The following NAV2 variants were observed in gnomAD, a reference collection of about 807,000 sequenced individuals.
The protein encoded by NAV2 is helicase, APC down-regulated 1.
Under a neutral mutation model 223.2 loss-of-function variants are expected in NAV2, and 54 were observed. The ratio of observed to expected loss-of-function variants is 0.24; its 90% CI spans 0.19 to 0.30. NAV2 has a LOEUF of 0.30. Ranked by LOEUF, NAV2 falls within the 10% of genes least tolerant of loss-of-function variation. The pLI, the probability that NAV2 is intolerant of heterozygous loss-of-function variation, is 1.00. For missense variants in NAV2, 2,806 were observed against 3,147.5 expected (o/e 0.89, Z 2.60); for synonymous variants, 1,279 against 1,239.3 (o/e 1.03, Z -0.67).
At chr11:20,061,833 T>A (rs189624905) in intron 19 of NAV2, among the ~76,000 whole-genome samples, 4 of 152,344 alleles carry the variant, frequency 2.6e-5, no homozygotes, top group African/African-American at 9.6e-5. Flanking sequence ...AGCTCTTTTT[T>A]TGCATATACA....
intron 11 of NAV2, among the ~76,000 whole-genome samples, chr11:19,993,949 G>A (rs930347901): frequency 6.6e-6 from 1 of 152,178 alleles, no homozygotes; most frequent in Non-Finnish European, 1.5e-5. Flanking sequence ...TACTCAAGAA[G>A]CTTACGATCA....
intron 1 of NAV2, among the ~76,000 whole-genome samples, chr11:19,656,804 G>A (rs2048140170): frequency 6.6e-6 from 1 of 152,210 alleles, no homozygotes; most frequent in Non-Finnish European, 1.5e-5. Flanking sequence ...TAGCCACAGA[G>A]GAAACAAGGA....
At chr11:19,694,881 C>T (rs973138975) in intron 1 of NAV2, among the ~76,000 whole-genome samples, 3 of 152,188 alleles carry the variant, frequency 2.0e-5, no homozygotes, top group Non-Finnish European at 4.4e-5. Context: ...GGGCCCAGTT[C>T]GGTGGGATCT....
chr11:19,956,942 A>G (rs763725949), intron 10 of NAV2, among the ~76,000 whole-genome samples: 1 of 152,190 alleles, frequency 6.6e-6, no homozygotes, highest in Non-Finnish European at 1.5e-5. Flanking sequence ...CCTCAGTAGC[A>G]TAAGCCCAGG....
upstream of NAV2, among the ~76,000 whole-genome samples, chr11:19,709,026 GA>G (rs1201929540): frequency 6.6e-6 from 1 of 151,866 alleles, no homozygotes; most frequent in African/African-American, 2.4e-5. Flanking sequence ...GCAAAACATT[GA>G]TTTAAAATGA....
chr11:19,854,583 T>C (rs916952360), intron 3 of NAV2, among the ~76,000 whole-genome samples: 1 of 152,176 alleles, frequency 6.6e-6, no homozygotes, highest in African/African-American at 2.4e-5. Flanking sequence ...TATTGTCTTA[T>C]ACCTAACCCG....
At chr11:19,860,309 TCAGA>T (rs2061678324) in intron 3 of NAV2, among the ~76,000 whole-genome samples, 1 of 124,722 alleles carries the variant, frequency 8.0e-6, no homozygotes, top group African/African-American at 3.3e-5. Context: ...TCCTCACTTC[TCAGA>T]CAGGGCGGTT....
chr11:19,997,578 A>G (rs536443136), intron 11 of NAV2, among the ~76,000 whole-genome samples: 3 of 152,144 alleles, frequency 2.0e-5, no homozygotes, highest in Non-Finnish European at 2.9e-5. Context: ...CTCCCAGAGG[A>G]CTTACCACAT....
intron 1 of NAV2, among the ~76,000 whole-genome samples, chr11:19,666,537 TC>T (rs1389469662): frequency 3.3e-5 from 5 of 152,212 alleles, no homozygotes; most frequent in African/African-American, 1.2e-4. Flanking sequence ...TGTTTGCTTC[TC>T]CCCTGTAGCA....
chr11:20,053,757 A>G (rs1447862566), intron 17 of NAV2, among the ~76,000 whole-genome samples: 2 of 152,218 alleles, frequency 1.3e-5, no homozygotes, highest in Non-Finnish European at 2.9e-5. Flanking sequence ...AGTCCTGTCA[A>G]GGTGGGGGCT....
At chr11:20,023,206 G>A (rs772824631) in intron 11 of NAV2, 46 of 1,327,678 alleles carry the variant, frequency 3.5e-5, no homozygotes, top group Non-Finnish European at 4.5e-5. Flanking sequence ...TTCCTTGGCC[G>A]GTATTGAAAA....
intron 1 of NAV2, among the ~76,000 whole-genome samples, chr11:19,495,954 G>A (rs1311682579): frequency 1.2e-4 from 18 of 152,152 alleles, no homozygotes; most frequent in Admixed American, 1.2e-3. Context: ...AGGTCTAAGG[G>A]AGGCTAATGT....
chr11:19,434,335 G>A (rs1851138293), intron 1 of NAV2, among the ~76,000 whole-genome samples: 2 of 152,144 alleles, frequency 1.3e-5, no homozygotes, highest in South Asian at 4.1e-4. Flanking sequence ...AGTGGCACTG[G>A]GGTTCATTTC....
intron 1 of NAV2, chr11:19,714,200 C>T (rs7943700): frequency 0.082 from 56,950 of 694,104 alleles, 4,324 homozygotes; most frequent in African/African-American, 0.32. Flanking sequence ...ATGGCGGGCA[C>T]GTCTGCAGCA....
At chr11:19,439,793 A>G (rs1023604465) in intron 1 of NAV2, among the ~76,000 whole-genome samples, 1 of 152,240 alleles carries the variant, frequency 6.6e-6, no homozygotes, top group African/African-American at 2.4e-5. Flanking sequence ...CCTTGTTAAA[A>G]ATCCTTAGAA....
intron 1 of NAV2, among the ~76,000 whole-genome samples, chr11:19,602,874 A>G (rs2046384807): frequency 6.6e-6 from 1 of 152,122 alleles, no homozygotes; most frequent in African/African-American, 2.4e-5. Context: ...CCTTTTTCCA[A>G]ATGTGGTTGT....
intron 1 of NAV2, among the ~76,000 whole-genome samples, chr11:19,773,120 C>G (rs1590414238): frequency 6.6e-6 from 1 of 152,204 alleles, no homozygotes; most frequent in East Asian, 1.9e-4. Context: ...TTCATTCCAC[C>G]TTGATGAGCA....
At chr11:20,025,233 G>T (rs968796989) in intron 11 of NAV2, among the ~76,000 whole-genome samples, 1 of 152,170 alleles carries the variant, frequency 6.6e-6, no homozygotes, top group African/African-American at 2.4e-5. Flanking sequence ...AGGTGTTTAT[G>T]GGATGGTGCT....
At chr11:19,846,862 C>T (rs901911842) in intron 3 of NAV2, among the ~76,000 whole-genome samples, 11 of 152,150 alleles carry the variant, frequency 7.2e-5, no homozygotes, top group African/African-American at 2.2e-4. Context: ...CAAGCCCAGC[C>T]TTGGCTTGTT....
Sources: gnomAD v4.1 joint callset for allele counts (sites outside exome capture counted in the v4.1 genomes callset) on GRCh38, gnomAD v4.1.1 for gene constraint, MANE v1.5 for transcripts, NCBI Gene and HGNC (gene_info 2026-07-23, HGNC 2026-07-21) for gene names.